Variants in PCDHGA3 observed in about 807,000 individuals in gnomAD.
PCDHGA3 encodes the protein protocadherin gamma subfamily A, 3.
PCDHGA3 carries 40 observed loss-of-function variants against 58.5 expected under a neutral mutation model. That is an observed-to-expected ratio of 0.68 (90% confidence interval 0.53 to 0.89). PCDHGA3 has a LOEUF of 0.89. PCDHGA3 is among the 40% of genes least tolerant of loss of function. The pLI is 0.00. For missense variants in PCDHGA3, 1,223 were observed against 1,195.9 expected, an observed-to-expected ratio of 1.02 and a Z score of -0.33; for synonymous variants, 530 against 525.7, an observed-to-expected ratio of 1.01 and a Z score of -0.11.
intron 1 of PCDHGA3, chr5:141,422,204 GAGGTCTCTTTACCA>G: frequency 6.4e-7 from 1 of 1,562,138 alleles, no homozygotes. Flanking sequence ...CAAGATGGTG[GAGGTCTCTTTACCA>G]CCACGACGAT....
chr5:141,389,443 A>G (rs2091769935), intron 1 of PCDHGA3: 1 of 1,610,442 alleles, frequency 6.2e-7, no homozygotes, highest in Non-Finnish European at 8.5e-7. Context: ...GCCTTCGACC[A>G]CGAGCAGCTG....
In PCDHGA3 at chr5:141,431,675, G is replaced by A. The variant is rs778040824; in HGVS notation, c.2425-63132G>A. Reference sequence around the variant, plus strand: ...TTCAGGGACAATATCAACAATAGGGGAGTTGGACCACGAGGAGTCAGGATT... The same window carrying A: ...TTCAGGGACAATATCAACAATAGGGAAGTTGGACCACGAGGAGTCAGGATT... On this transcript the variant is annotated intron_variant, in intron 1 of 3. Coordinates refer to ENST00000253812, the MANE Select transcript of PCDHGA3 (RefSeq NM_018916.4). The surrounding 1 kb of genome is among the most constrained non-coding windows in gnomAD (Gnocchi z 4.8). 5.6e-6 allele frequency: 9 copies of A among 1,614,230 alleles called. No homozygotes were observed. Among genetic ancestry groups the A allele is most frequent in the Admixed American group, 1.7e-5 (1 of 60,028 alleles).
At chr5:141,413,407 CT>C (rs758693256) in intron 1 of PCDHGA3, 3 of 1,613,926 alleles carry the variant, frequency 1.9e-6, no homozygotes, top group Non-Finnish European at 2.5e-6. Flanking sequence ...TAGGACGCAG[CT>C]TTTCTCTCTG....
intron 1 of PCDHGA3, chr5:141,415,275 G>A (rs1242620005): frequency 5.6e-6 from 9 of 1,614,094 alleles, no homozygotes; most frequent in East Asian, 4.5e-5. Flanking sequence ...TGGTGGTAGC[G>A]GTGGCCGCGG....
intron 1 of PCDHGA3, chr5:141,420,295 T>G (rs1282298065): frequency 6.8e-7 from 1 of 1,466,506 alleles, no homozygotes; most frequent in East Asian, 2.3e-5. Flanking sequence ...AAAAATGTAT[T>G]TAATCCTTTT....
intron 1 of PCDHGA3, chr5:141,365,630 A>G (rs1486638134): frequency 6.2e-7 from 1 of 1,613,404 alleles, no homozygotes; most frequent in East Asian, 2.2e-5. Context: ...GCCCCTCTCT[A>G]CAGAAAGCCA....
intron 1 of PCDHGA3, chr5:141,395,096 C>G (rs769366827): frequency 5.6e-6 from 9 of 1,614,186 alleles, no homozygotes; most frequent in Middle Eastern, 1.6e-4. Flanking sequence ...CCCTCACCGC[C>G]GACTCGCGGA....
chr5:141,374,510 C>A, intron 1 of PCDHGA3: 1 of 1,611,824 alleles, frequency 6.2e-7, no homozygotes, highest in Non-Finnish European at 8.5e-7. Flanking sequence ...AGTGAAAATT[C>A]TCGAAAACGC....
At chr5:141,441,948 G>A in intron 1 of PCDHGA3, 1 of 332,472 alleles carries the variant, frequency 3.0e-6, no homozygotes, top group Non-Finnish European at 5.8e-6. Flanking sequence ...ACGTGCTGCA[G>A]GCCAGCAAGC....
At position 141,487,547 on chromosome 5, in the gene PCDHGA3, A is replaced by G. The variant is rs2099649592; in HGVS notation, c.2425-7260A>G. On this transcript the variant is annotated intron_variant, in intron 1 of 3. Coordinates refer to ENST00000253812, the MANE Select transcript of PCDHGA3 (RefSeq NM_018916.4). The surrounding 1 kb of genome is among the most constrained non-coding windows in gnomAD (Gnocchi z 5.0). ...TAGCTTCATGATGGTGAAGTCACCC[A>G]GTGCACCTATGGCAGGGGAGCCTGT... 2 of 1,614,216 alleles carry G rather than the reference A, an allele frequency of 1.2e-6. No individual in the cohort carries two copies. Among genetic ancestry groups the G allele is most frequent in the Non-Finnish European group, 8.5e-7 (1 of 1,180,046 alleles).
At chr5:141,405,649 T>C (rs954605890) in intron 1 of PCDHGA3, 14 of 527,576 alleles carry the variant, frequency 2.7e-5, no homozygotes, top group Non-Finnish European at 6.7e-6. Flanking sequence ...TAATTTTTTG[T>C]GTGTTTTTAG....
intron 1 of PCDHGA3, chr5:141,375,181 C>A (rs868598149): frequency 4.3e-6 from 7 of 1,613,836 alleles, no homozygotes; most frequent in Non-Finnish European, 5.9e-6. Flanking sequence ...GAACAGTAAT[C>A]GCCCTTTTTC....
In PCDHGA3 at chr5:141,385,618, A is replaced by C. The variant is rs1174442072; in HGVS notation, c.2424+39161A>C. 7.5e-6 allele frequency: 8 copies of C among 1,062,366 alleles called. No individual in the cohort carries two copies. The East Asian group carries it at 3.6e-4, about 48-fold the overall frequency. The allele number at this position is 1,062,366 out of a possible 1,614,324, so 65.8% of individuals were successfully genotyped here. A position where few individuals can be genotyped will look rare whatever the true frequency, so the allele number is the denominator to read the frequency against. On this transcript the variant is annotated intron_variant, in intron 1 of 3. Coordinates refer to ENST00000253812, the MANE Select transcript of PCDHGA3 (RefSeq NM_018916.4). ...CTTTCTTAACTCATATATTTTATAC[A>C]TTGGAATGAATCGAGTCTTTCATAT...
intron 1 of PCDHGA3, among the ~76,000 whole-genome samples, chr5:141,424,979 T>G (rs565208060): frequency 1.4e-4 from 22 of 152,322 alleles, no homozygotes; most frequent in African/African-American, 4.6e-4. Flanking sequence ...CTTGGATATT[T>G]ATGTTCCCTT....
Position 141,431,724 on chromosome 5 carries a change from T to C in PCDHGA3, c.2425-63083T>C, listed in dbSNP as rs758754345. The C allele has an allele frequency of 6.2e-7, 1 of 1,614,036 alleles. No individual in the cohort carries two copies. Among genetic ancestry groups the C allele is most frequent in the Non-Finnish European group, 8.5e-7 (1 of 1,180,036 alleles). On this transcript the variant is annotated intron_variant, in intron 1 of 3. Coordinates refer to ENST00000253812, the MANE Select transcript of PCDHGA3 (RefSeq NM_018916.4). This position sits in a 1 kb window ranked among gnomAD's most constrained non-coding sequence, Gnocchi z 4.8. The stretch of plus-strand genomic sequence containing the variant: ...TTCTACCAGATGGAAGTGCAAGCAA[T>C]GGATAATGCAGGATATTCTGCGCGA...
chr5:141,375,971 C>G (rs1412854322), intron 1 of PCDHGA3: 1 of 1,613,374 alleles, frequency 6.2e-7, no homozygotes, highest in Non-Finnish European at 8.5e-7. Context: ...GCGCACGGCG[C>G]GCGCCCTGCT....
intron 1 of PCDHGA3, chr5:141,478,260 T>C (rs1340624663): frequency 6.2e-7 from 1 of 1,614,182 alleles, no homozygotes; most frequent in East Asian, 2.2e-5. Context: ...GTAATCATAT[T>C]CAAAGTTTAC....
intron 1 of PCDHGA3, chr5:141,399,248 A>G (rs2150780633): frequency 6.2e-7 from 1 of 1,613,870 alleles, no homozygotes; most frequent in South Asian, 1.1e-5. Context: ...GATTCTGGGG[A>G]AAATGGGGAG....
At chr5:141,502,483 G>A (rs773081419) in intron 2 of PCDHGA3, among the ~76,000 whole-genome samples, 42 of 152,144 alleles carry the variant, frequency 2.8e-4, no homozygotes, top group Non-Finnish European at 4.7e-4. Context: ...GCATCACACT[G>A]GGACTCATCT....
Sources: allele counts gnomAD v4.1 joint callset (sites outside exome capture counted in the v4.1 genomes callset), GRCh38; gene constraint gnomAD v4.1.1; non-coding constraint Gnocchi (gnomAD v3.1); transcripts MANE v1.5; gene names NCBI Gene and HGNC (gene_info 2026-07-23, HGNC 2026-07-21).